LARGE1: variants seen among roughly 807,000 people sequenced by gnomAD.
LARGE1 encodes the protein xylosyl- and glucuronyltransferase LARGE1.
In LARGE1, 43 loss-of-function variants were observed where a neutral mutation model predicts 87.6. The observed-to-expected ratio is 0.49, with a 90% CI of 0.38 to 0.63. LARGE1 has a LOEUF of 0.63. Ranked by LOEUF, LARGE1 falls within the 30% of genes least tolerant of loss-of-function variation. The pLI is 0.00. For missense variants in LARGE1, 802 were observed against 1,000.2 expected (o/e 0.80, Z 2.67); for synonymous variants, 434 against 394.6 (o/e 1.10, Z -1.18).
intron 6 of LARGE1, among the ~76,000 whole-genome samples, chr22:33,495,136 C>T (rs1478763495): frequency 6.6e-6 from 1 of 151,532 alleles, no homozygotes; most frequent in Non-Finnish European, 1.5e-5. Context: ...CAGAGGCCTC[C>T]TTTCTCTCCA....
chr22:33,643,755 A>C (rs778774441), intron 3 of LARGE1, among the ~76,000 whole-genome samples: 16 of 152,212 alleles, frequency 1.1e-4, no homozygotes, highest in Admixed American at 5.9e-4. Flanking sequence ...ACAGAAATAC[A>C]AACTACCATC....
chr22:33,359,785 C>T (rs971838518), intron 9 of LARGE1, among the ~76,000 whole-genome samples: 8 of 148,738 alleles, frequency 5.4e-5, no homozygotes, highest in Admixed American at 2.0e-4. Flanking sequence ...AGGATGGTCT[C>T]GATCTCCTGA....
rs540524641 is a variant in LARGE1 at position 33,839,887 on chromosome 22, A to T, written c.-82-78329T>A. On this transcript the variant is annotated intron_variant, in intron 1 of 14. Transcript: ENST00000397394. ...TATGCCCCTCATTGTTCCAGAGAAG[A>T]TCACCTGGACCCAGGAAACGTGGGG... 8.5e-4 allele frequency among the ~76,000 whole-genome samples: 129 copies of T among 152,332 alleles called. 1 individual carries two copies. The South Asian group carries it at 0.026, about 31-fold the overall frequency.
In LARGE1 at chr22:33,428,839, A is replaced by AGAATG. The variant is rs376162050; in HGVS notation, c.892+3317_892+3321dup. Among the ~76,000 whole-genome samples, 181 of 147,394 alleles carry AGAATG rather than the reference A, an allele frequency of 1.2e-3. 1 individual carries two copies. Among genetic ancestry groups the AGAATG allele is most frequent in the African/African-American group, 4.1e-3 (164 of 40,196 alleles). Reference sequence around the variant, plus strand: ...CAGCTATTCGGGAGGCTGAGGCAGGAGAATGGCGTGAACCCGGGAGGCAGA... The same window carrying AGAATG: ...CAGCTATTCGGGAGGCTGAGGCAGGAGAATGGAATGGCGTGAACCCGGGAGGCAGA... On this transcript the variant is annotated intron_variant, in intron 7 of 14. Transcript: ENST00000397394.
chr22:33,628,669 T>C (rs1035693970), intron 3 of LARGE1, among the ~76,000 whole-genome samples: 11 of 152,148 alleles, frequency 7.2e-5, no homozygotes, highest in Admixed American at 7.2e-4. Flanking sequence ...TTAAGATATA[T>C]TCTGTGCCCC....
chr22:33,483,416 G>T (rs2069418646), intron 6 of LARGE1, among the ~76,000 whole-genome samples: 1 of 152,198 alleles, frequency 6.6e-6, no homozygotes, highest in African/African-American at 2.4e-5. Flanking sequence ...ATTGGGGGCA[G>T]AGGTAGTGTC....
intron 6 of LARGE1, among the ~76,000 whole-genome samples, chr22:33,527,310 T>G (rs2071956935): frequency 6.6e-6 from 1 of 152,118 alleles, no homozygotes; most frequent in Non-Finnish European, 1.5e-5. Flanking sequence ...ATGAGCTAGA[T>G]TTGGAACTCT....
chr22:33,682,744 T>A (rs1045142270), intron 2 of LARGE1, among the ~76,000 whole-genome samples: 10 of 152,314 alleles, frequency 6.6e-5, no homozygotes, highest in South Asian at 2.1e-4. Context: ...TTGGTACAAA[T>A]ATGTTTGCAA....
chr22:33,166,821 C>A, exon 12 of LARGE1: 1 of 471,416 alleles, frequency 2.1e-6, no homozygotes. Flanking sequence ...TAGGGTCTGG[C>A]TAAAATCAAA....
At chr22:33,502,698 A>G (rs2070525253) in intron 6 of LARGE1, among the ~76,000 whole-genome samples, 1 of 151,970 alleles carries the variant, frequency 6.6e-6, no homozygotes, top group South Asian at 2.1e-4. Context: ...CCTCCCAAGT[A>G]GCTGGGACTA....
chr22:33,887,791 G>A (rs760033656), intron 1 of LARGE1, among the ~76,000 whole-genome samples: 3 of 151,970 alleles, frequency 2.0e-5, no homozygotes, highest in East Asian at 1.9e-4. Flanking sequence ...TCAGCAGTCT[G>A]AACAGACTAG....
intron 11 of LARGE1, among the ~76,000 whole-genome samples, chr22:33,254,935 A>AC (rs1927183090): frequency 7.8e-6 from 1 of 128,274 alleles, no homozygotes; most frequent in Admixed American, 7.8e-5. Context: ...CTACCTGTAG[A>AC]TTTTTTTTTT....
intron 1 of LARGE1, among the ~76,000 whole-genome samples, chr22:33,899,881 C>T (rs1462104843): frequency 1.3e-5 from 2 of 152,182 alleles, no homozygotes; most frequent in Admixed American, 6.5e-5. Flanking sequence ...GCAATCTGTA[C>T]AATGCTGTAA....
chr22:33,833,125 G>A (rs190138625), intron 1 of LARGE1, among the ~76,000 whole-genome samples: 97 of 152,300 alleles, frequency 6.4e-4, no homozygotes, highest in Non-Finnish European at 1.2e-3. Context: ...GCCTGTAGAG[G>A]TAGCTGACTT....
intron 8 of LARGE1, 98 bp downstream of exon 8, chr22:33,384,093 AC>A: frequency 1.1e-6 from 1 of 881,672 alleles, no homozygotes; most frequent in Non-Finnish European, 1.9e-6. Context: ...GTCACACAAT[AC>A]GTAGAAAACC....
intron 12 of LARGE1, among the ~76,000 whole-genome samples, chr22:33,298,569 T>C (rs576160754): frequency 3.9e-5 from 6 of 152,316 alleles, no homozygotes; most frequent in Admixed American, 3.9e-4. Flanking sequence ...ACGCCTGTAA[T>C]CCTAGGGTTG....
At chr22:33,591,307 A>C (rs1461345946) in intron 5 of LARGE1, among the ~76,000 whole-genome samples, 1 of 152,210 alleles carries the variant, frequency 6.6e-6, no homozygotes, top group Non-Finnish European at 1.5e-5. Flanking sequence ...CCTCACTGAC[A>C]CTTTGTATTG....
At chr22:33,115,479 G>T in the LARGE1 span, among the ~76,000 whole-genome samples, 2 of 151,562 alleles carry the variant, frequency 1.3e-5, no homozygotes, top group African/African-American at 4.8e-5. Flanking sequence ...AATCTACAAG[G>T]CCATGAAGGA....
chr22:33,868,796 C>T (rs901127774), intron 1 of LARGE1, among the ~76,000 whole-genome samples: 2 of 152,312 alleles, frequency 1.3e-5, no homozygotes, highest in East Asian at 1.9e-4. Context: ...ATGTCTACCC[C>T]ATGGCAGGCA....
Sources: allele counts gnomAD v4.1 joint callset (sites outside exome capture counted in the v4.1 genomes callset), GRCh38; gene constraint gnomAD v4.1.1; transcripts MANE v1.5; gene names NCBI Gene and HGNC (gene_info 2026-07-23, HGNC 2026-07-21).